ATP6V1A: variants seen among roughly 807,000 people sequenced by gnomAD.
ATP6V1A encodes V-type proton ATPase catalytic subunit A.
ATP6V1A carries 18 observed loss-of-function variants against 70.1 expected under a neutral mutation model. The observed-to-expected ratio is 0.26, with a 90% CI of 0.18 to 0.38. The LOEUF is 0.38. Ranked by LOEUF, ATP6V1A falls within the 10% of genes least tolerant of loss-of-function variation. The pLI, the probability that ATP6V1A is intolerant of heterozygous loss-of-function variation, is 1.00. For synonymous variants in ATP6V1A, 232 were observed against 253.8 expected (o/e 0.91, Z 0.82); for missense variants, 424 against 772.4 (o/e 0.55, Z 5.35).
chr3:113,790,706 C>T lies in ATP6V1A; in HGVS notation c.988+866C>T, dbSNP rs571127894. ...TTAATGCTCACCAACAGTCCCTTGG[C>T]TATAATTTCTCCATTTCTTGATTGG... On this transcript the variant is annotated intron_variant, in intron 8 of 14. Transcript: ENST00000273398. Among the ~76,000 whole-genome samples the T allele has an allele frequency of 2.0e-4, 31 of 152,310 alleles. 1 individual carries two copies. In the South Asian group the frequency reaches 4.8e-3, roughly 23 times the overall value.
intron 12 of ATP6V1A, among the ~76,000 whole-genome samples, chr3:113,801,422 C>T (rs898405310): frequency 1.3e-5 from 2 of 152,116 alleles, no homozygotes; most frequent in Non-Finnish European, 2.9e-5. Context: ...TCACATTATA[C>T]TAGTTAAAAT....
intron 3 of ATP6V1A, among the ~76,000 whole-genome samples, chr3:113,782,589 T>C (rs111483978): frequency 1.0e-3 from 151 of 145,460 alleles, no homozygotes; most frequent in Non-Finnish European, 9.2e-4. Flanking sequence ...TATATACACA[T>C]ATATATATAT....
chr3:113,789,847 A>C lies in ATP6V1A; in HGVS notation c.988+7A>C. On this transcript the variant is annotated splice_region_variant and intron_variant, in intron 8 of 14. Coordinates refer to ENST00000273398, the MANE Select transcript of ATP6V1A (RefSeq NM_001690.4). ...GAAGCCTCTATTTATACTGGTGAGT[A>C]TATAATTGGAATAAAAGCAGTTAAC... 1 of 1,568,466 alleles carries C rather than the reference A, an allele frequency of 6.4e-7. No homozygotes were observed. Among genetic ancestry groups the C allele is most frequent in the African/African-American group, 1.4e-5 (1 of 73,968 alleles).
chr3:113,789,930 T>C (rs1293882286), intron 8 of ATP6V1A, 90 bp downstream of exon 8: 4 of 933,450 alleles, frequency 4.3e-6, no homozygotes, highest in East Asian at 5.0e-5. Flanking sequence ...TTTACTTTCA[T>C]TCTAAAATAT....
chr3:113,780,607 G>T (rs1455298842), intron 2 of ATP6V1A: 6 of 459,772 alleles, frequency 1.3e-5, no homozygotes, highest in Non-Finnish European at 2.1e-5. Context: ...GTTGCTTTAG[G>T]TCTGTCTCTC....
rs1011407562 is a variant in ATP6V1A, at chr3:113,809,609, G to T, written c.*182G>T. On this transcript the variant is annotated 3_prime_UTR_variant, in exon 15 of 15. Coordinates refer to ENST00000273398, the MANE Select transcript of ATP6V1A (RefSeq NM_001690.4). ...TCTTATATAAAACAAACATTCCTTTGTTCTAGTGTTGTGAAGGGCCTCCCT... is the reference window on the plus strand; with the variant it reads ...TCTTATATAAAACAAACATTCCTTTTTTCTAGTGTTGTGAAGGGCCTCCCT... The T allele has an allele frequency of 2.0e-6, 1 of 503,772 alleles. No homozygotes were observed. Among genetic ancestry groups the T allele is most frequent in the Non-Finnish European group, 3.6e-6 (1 of 275,688 alleles). 31.2% of individuals were successfully genotyped at this position (503,772 alleles called of 1,614,324 possible). A position where few individuals can be genotyped will look rare whatever the true frequency, so the allele number is the denominator to read the frequency against.
Position 113,780,772 on chromosome 3 carries a change from G to C in ATP6V1A, c.83-278G>C, listed in dbSNP as rs1309732747. 3 of 1,312,878 alleles carry C rather than the reference G, an allele frequency of 2.3e-6. No individual in the cohort carries two copies. The African/African-American group carries it at 4.5e-5, about 20-fold the overall frequency. 81.3% of individuals were successfully genotyped at this position (1,312,878 alleles called of 1,614,324 possible). On this transcript the variant is annotated intron_variant, in intron 2 of 14. Coordinates refer to ENST00000273398, the MANE Select transcript of ATP6V1A (RefSeq NM_001690.4). ...TCATAGCAACTCTCAGAACATACCT[G>C]AATCCTACCAGGTAAGTTTGCCATG... is the stretch of plus-strand genomic sequence containing the variant.
chr3:113,802,041 T>C (rs1438498502), intron 12 of ATP6V1A, among the ~76,000 whole-genome samples: 1 of 152,136 alleles, frequency 6.6e-6, no homozygotes, highest in Non-Finnish European at 1.5e-5. Context: ...GCAACACTAA[T>C]ACTATCTCTC....
intron 1 of ATP6V1A, among the ~76,000 whole-genome samples, chr3:113,764,112 C>T (rs1708739449): frequency 1.3e-5 from 2 of 152,022 alleles, no homozygotes; most frequent in Admixed American, 1.3e-4. Flanking sequence ...TGGTACATGC[C>T]TGTGGTCCCA....
chr3:113,811,929 A>ATCC lies in ATP6V1A; in HGVS notation c.*2504_*2506dup, dbSNP rs1709345526. The ATCC allele has an allele frequency of 6.6e-6, 1 of 152,504 alleles. No homozygotes were observed. Among genetic ancestry groups the ATCC allele is most frequent in the Admixed American group, 6.6e-5 (1 of 15,262 alleles). The allele number at this position is 152,504 out of a possible 1,614,324, so 9.4% of individuals were successfully genotyped here. A position where few individuals can be genotyped will look rare whatever the true frequency, so the allele number is the denominator to read the frequency against. On this transcript the variant is annotated 3_prime_UTR_variant, in exon 15 of 15. Transcript: ENST00000273398. ...CACTGTACTTTGAAAATTTCCTTCC[A>ATCC]TCCTGAATAACGAATAGAAGAGGCC...
At chr3:113,764,735 T>C (rs1296864231) in intron 1 of ATP6V1A, among the ~76,000 whole-genome samples, 1 of 152,138 alleles carries the variant, frequency 6.6e-6, no homozygotes, top group Non-Finnish European at 1.5e-5. Context: ...TAATGTGAGC[T>C]TTACAATTAC....
intron 1 of ATP6V1A, among the ~76,000 whole-genome samples, chr3:113,761,636 C>T (rs7647367): frequency 0.39 from 57,053 of 145,714 alleles, 11,178 homozygotes; most frequent in African/African-American, 0.48. Context: ...CTCTGGAGGC[C>T]GAAGCAGGAG....
chr3:113,803,567 TC>T lies in ATP6V1A; in HGVS notation c.1495-15del. ...ATTTTAGAGTAAATGTCTAAAAATA[TC>T]TTTTTCTCTTCTAGGCTTCTTTGGC... On this transcript the variant is annotated splice_polypyrimidine_tract_variant and intron_variant, in intron 12 of 14. Transcript: ENST00000273398. The T allele has an allele frequency of 6.4e-7, 1 of 1,561,642 alleles. No individual in the cohort carries two copies. The highest frequency in any genetic ancestry group is 8.8e-7 in the Non-Finnish European group (1 of 1,141,526).
intron 1 of ATP6V1A, among the ~76,000 whole-genome samples, chr3:113,760,294 G>A (rs1350190724): frequency 6.6e-6 from 1 of 152,050 alleles, no homozygotes; most frequent in Non-Finnish European, 1.5e-5. Flanking sequence ...TGTGCTTTAG[G>A]ATATATTTTT....
intron 1 of ATP6V1A, among the ~76,000 whole-genome samples, chr3:113,767,240 C>T (rs566386470): frequency 1.5e-3 from 232 of 151,816 alleles, no homozygotes; most frequent in African/African-American, 4.8e-3. Flanking sequence ...TACAGGCACA[C>T]GCCGCCATGC....
intron 1 of ATP6V1A, among the ~76,000 whole-genome samples, chr3:113,753,932 A>G (rs1708618654): frequency 1.3e-5 from 2 of 152,266 alleles, no homozygotes; most frequent in Middle Eastern, 3.4e-3. Context: ...TAAGAAAAAA[A>G]AATACAAAGT....
chr3:113,799,520 C>T (rs1367507646), intron 12 of ATP6V1A, among the ~76,000 whole-genome samples: 2 of 152,076 alleles, frequency 1.3e-5, no homozygotes, highest in Non-Finnish European at 1.5e-5. Context: ...GGATTAAGAC[C>T]AGCATGCCTA....
intron 7 of ATP6V1A, 82 bp downstream of exon 7, chr3:113,788,957 G>T: frequency 7.8e-7 from 1 of 1,283,084 alleles, no homozygotes; most frequent in Non-Finnish European, 1.1e-6. Context: ...CTTTGTGTTG[G>T]GTCTGGAGCA....
At chr3:113,751,978 A>G (rs185475863) in intron 1 of ATP6V1A, among the ~76,000 whole-genome samples, 1 of 151,858 alleles carries the variant, frequency 6.6e-6, no homozygotes, top group Non-Finnish European at 1.5e-5. Context: ...AGAAGGAAAC[A>G]CTTTCTTATA....
Sources: allele counts gnomAD v4.1 joint callset (sites outside exome capture counted in the v4.1 genomes callset), GRCh38; gene constraint gnomAD v4.1.1; transcripts MANE v1.5; gene names NCBI Gene and HGNC (gene_info 2026-07-23, HGNC 2026-07-21).